FILIP1: variants seen among roughly 807,000 people sequenced by gnomAD.
FILIP1 encodes filamin A interacting protein 1.
In FILIP1, 61 loss-of-function variants were observed where a neutral mutation model predicts 102.1. The ratio of observed to expected loss-of-function variants is 0.60; its 90% CI spans 0.49 to 0.74. FILIP1 has a LOEUF of 0.74. Among genes scored for constraint, FILIP1 ranks in the 30% least tolerant of loss-of-function variants. FILIP1 has a pLI of 0.00. For missense variants in FILIP1, 1,314 were observed against 1,441.2 expected, an observed-to-expected ratio of 0.91 and a Z score of 1.43; for synonymous variants, 491 against 526.9, an observed-to-expected ratio of 0.93 and a Z score of 0.93.
At chr6:75,440,073 C>G (rs1170425514) in intron 1 of FILIP1, among the ~76,000 whole-genome samples, 1 of 152,122 alleles carries the variant, frequency 6.6e-6, no homozygotes, top group Non-Finnish European at 1.5e-5. Context: ...TTGGTAAAAA[C>G]ATGTAATAAT....
intron 2 of FILIP1, among the ~76,000 whole-genome samples, chr6:75,365,546 C>G (rs1775301481): frequency 6.6e-6 from 1 of 152,180 alleles, no homozygotes; most frequent in African/African-American, 2.4e-5. Context: ...GCCGCCTCGC[C>G]TGGCTAATTT....
intron 4 of FILIP1, among the ~76,000 whole-genome samples, chr6:75,352,753 C>T (rs566755059): frequency 1.8e-4 from 27 of 151,914 alleles, no homozygotes; most frequent in African/African-American, 6.0e-4. Flanking sequence ...TCCTGAAAAG[C>T]AGATTTCCAC....
chr6:75,475,978 C>A (rs1779463164), intron 1 of FILIP1, among the ~76,000 whole-genome samples: 1 of 152,132 alleles, frequency 6.6e-6, no homozygotes, highest in East Asian at 1.9e-4. Context: ...CTGTAGCTCA[C>A]ACCTATAATC....
At chr6:75,447,568 G>A (rs1489368226) in intron 1 of FILIP1, among the ~76,000 whole-genome samples, 1 of 152,086 alleles carries the variant, frequency 6.6e-6, no homozygotes, top group Admixed American at 6.6e-5. Context: ...AATAATCATA[G>A]GATAGAAAGA....
intron 6 of FILIP1, among the ~76,000 whole-genome samples, chr6:75,297,839 C>T (rs1312326539): frequency 3.3e-5 from 5 of 152,200 alleles, no homozygotes; most frequent in African/African-American, 4.8e-5. Flanking sequence ...AGAGTGAAAT[C>T]AGAATTGTTC....
intron 4 of FILIP1, among the ~76,000 whole-genome samples, chr6:75,338,680 T>C (rs1453031264): frequency 6.6e-6 from 1 of 152,262 alleles, no homozygotes; most frequent in East Asian, 1.9e-4. Context: ...TATTTACTTG[T>C]TATTTATTGT....
chr6:75,373,883 C>T (rs1271812182), intron 2 of FILIP1, among the ~76,000 whole-genome samples: 2 of 152,052 alleles, frequency 1.3e-5, no homozygotes, highest in Non-Finnish European at 2.9e-5. Flanking sequence ...GTGGCCTGTG[C>T]CTGTATTCCC....
intron 2 of FILIP1, among the ~76,000 whole-genome samples, chr6:75,411,269 T>C (rs958879590): frequency 1.3e-4 from 20 of 152,174 alleles, no homozygotes; most frequent in African/African-American, 4.8e-4. Flanking sequence ...GATGGGGTTG[T>C]TTTTTTCTTG....
At chr6:75,407,483 C>T (rs1169170745) in intron 2 of FILIP1, among the ~76,000 whole-genome samples, 1 of 152,204 alleles carries the variant, frequency 6.6e-6, no homozygotes. Flanking sequence ...ACCTCGGCCT[C>T]CCATAGTGCT....
chr6:75,475,078 T>G, intron 1 of FILIP1, among the ~76,000 whole-genome samples: 1 of 152,166 alleles, frequency 6.6e-6, no homozygotes, highest in South Asian at 2.1e-4. Context: ...ATTAAATCTC[T>G]TTTCTTTTTA....
At chr6:75,423,233 T>C (rs1239286602) in intron 1 of FILIP1, among the ~76,000 whole-genome samples, 1 of 152,190 alleles carries the variant, frequency 6.6e-6, no homozygotes, top group African/African-American at 2.4e-5. Context: ...AAAAGCTTGA[T>C]AAGTGGGTGC....
At chr6:75,396,734 TA>T (rs1447284507) in intron 2 of FILIP1, among the ~76,000 whole-genome samples, 1 of 152,048 alleles carries the variant, frequency 6.6e-6, no homozygotes, top group South Asian at 2.1e-4. Context: ...CTATGTCTCT[TA>T]AACAATTAGT....
At chr6:75,480,400 G>T (rs1779618607) in intron 1 of FILIP1, among the ~76,000 whole-genome samples, 1 of 140,446 alleles carries the variant, frequency 7.1e-6, no homozygotes, top group Non-Finnish European at 1.6e-5. Flanking sequence ...ATTAATATGG[G>T]TTTAAAATTC....
intron 2 of FILIP1, among the ~76,000 whole-genome samples, chr6:75,389,389 A>C (rs1327718461): frequency 6.6e-6 from 1 of 152,202 alleles, no homozygotes; most frequent in East Asian, 1.9e-4. Context: ...GGCCTCATAA[A>C]ATGAGTTACG....
At position 75,308,765 on chromosome 6, in the gene FILIP1, T is replaced by G. The variant is rs750762407; in HGVS notation, c.3568A>C (p.Thr1190Pro). 3 of 1,613,984 alleles carry G rather than the reference T, an allele frequency of 1.9e-6. No homozygotes were observed. Among genetic ancestry groups the G allele is most frequent in the Non-Finnish European group, 1.7e-6 (2 of 1,180,004 alleles). ...NLTKFEPRAE[T>P]QSMKIELKKS... is the part of the protein sequence containing the mutation. ...TTCAGCTCTATTTTCATAGACTGAG[T>G]CTCAGCTCGAGGCTCGAATTTGGTC... The change falls in exon 6 of 6, where the codon ACT becomes CCT. Residue 1190 changes from threonine to proline, a missense_variant. Physicochemically the swap from Thr to Pro is conservative, Grantham distance 38. Transcript: ENST00000237172.
chr6:75,488,727 G>A (rs905528952), intron 1 of FILIP1, among the ~76,000 whole-genome samples: 1 of 152,098 alleles, frequency 6.6e-6, no homozygotes, highest in Non-Finnish European at 1.5e-5. Flanking sequence ...TTTATGTCCT[G>A]CATAAGGTTT....
chr6:75,451,600 G>A (rs553646339), intron 1 of FILIP1, among the ~76,000 whole-genome samples: 1 of 151,484 alleles, frequency 6.6e-6, no homozygotes, highest in East Asian at 1.9e-4. Context: ...GGAGGCCAAG[G>A]CAGTCTGATC....
intron 1 of FILIP1, among the ~76,000 whole-genome samples, chr6:75,415,252 A>G (rs1324338870): frequency 6.6e-6 from 1 of 152,092 alleles, no homozygotes; most frequent in Non-Finnish European, 1.5e-5. Flanking sequence ...ATAATAATAT[A>G]TCAATATTGG....
At chr6:75,378,570 G>A (rs1470214697) in intron 2 of FILIP1, among the ~76,000 whole-genome samples, 13 of 152,166 alleles carry the variant, frequency 8.5e-5, no homozygotes, top group South Asian at 2.1e-4. Flanking sequence ...ACTGGAGGGG[G>A]TTATGTGACT....
Sources: gnomAD v4.1 joint callset for allele counts (sites outside exome capture counted in the v4.1 genomes callset) on GRCh38, gnomAD v4.1.1 for gene constraint, MANE v1.5 for transcripts, NCBI Gene and HGNC (gene_info 2026-07-23, HGNC 2026-07-21) for gene names.